KSR2: variants seen among roughly 807,000 people sequenced by gnomAD.
KSR2 encodes kinase suppressor of ras 2.
A neutral mutation model predicts 107.8 loss-of-function variants in KSR2; 25 were observed. That is an observed-to-expected ratio of 0.23 (90% CI 0.17 to 0.32). The LOEUF (loss-of-function observed/expected upper bound fraction) is 0.32. Among genes scored for constraint, KSR2 ranks in the 10% least tolerant of loss-of-function variants. The probability of loss-of-function intolerance (pLI) is 1.00; values close to 1 mark genes in which losing one functional copy is unlikely to be tolerated. For synonymous variants in KSR2, 480 were observed against 507.0 expected (o/e 0.95, Z 0.71); for missense variants, 887 against 1,268.9 (o/e 0.70, Z 4.57).
chr12:117,819,374 G>A (rs979540536), intron 3 of KSR2, among the ~76,000 whole-genome samples: 1 of 152,312 alleles, frequency 6.6e-6, no homozygotes, highest in East Asian at 1.9e-4. Context: ...GCCCTAGAGG[G>A]CGTCGTAGGT....
At chr12:117,569,318 G>A (rs911386891) in intron 7 of KSR2, among the ~76,000 whole-genome samples, 14 of 152,120 alleles carry the variant, frequency 9.2e-5, no homozygotes, top group African/African-American at 1.9e-4. Context: ...CCACTAACAC[G>A]GCAAAAGTCA....
At chr12:117,793,319 A>T (rs1210081653) in intron 3 of KSR2, among the ~76,000 whole-genome samples, 2 of 137,738 alleles carry the variant, frequency 1.5e-5, no homozygotes, top group Non-Finnish European at 3.1e-5. Context: ...ACACACCCTC[A>T]CACCAACATG....
intron 3 of KSR2, among the ~76,000 whole-genome samples, chr12:117,812,819 A>G (rs982990361): frequency 2.2e-5 from 3 of 138,446 alleles, no homozygotes; most frequent in African/African-American, 8.9e-5. Context: ...ATCTGTGTGG[A>G]ACCACAAAAG....
At position 117,459,218 on chromosome 12, in the gene KSR2, A is replaced by G. The variant is rs1441567708; in HGVS notation, c.*7981T>C. ...TCTGCAGAGCGCTGATAGACTGTCC[A>G]CCAACTACAGCCCAAATGGCTTGGC... On this transcript the variant is annotated 3_prime_UTR_variant, in exon 20 of 20. Coordinates refer to ENST00000339824, the MANE Select transcript of KSR2 (RefSeq NM_173598.6). The G allele has an allele frequency of 6.6e-6, 1 of 152,266 alleles. No homozygotes were observed. Among genetic ancestry groups the G allele is most frequent in the East Asian group, 1.9e-4 (1 of 5,192 alleles). The allele number at this position is 152,266 out of a possible 1,614,324, so 9.4% of individuals were successfully genotyped here.
chr12:117,827,196 A>G (rs1891792453), intron 3 of KSR2, among the ~76,000 whole-genome samples: 1 of 152,288 alleles, frequency 6.6e-6, no homozygotes. Flanking sequence ...GAAAGGAAAA[A>G]AGAAGGTGTA....
At chr12:117,571,563 G>A (rs894740980) in intron 7 of KSR2, among the ~76,000 whole-genome samples, 7 of 152,158 alleles carry the variant, frequency 4.6e-5, no homozygotes. Flanking sequence ...GCAGTGGCTG[G>A]TCAAAGAGAT....
At position 117,467,059 on chromosome 12, in the gene KSR2, G is replaced by A; in HGVS notation, c.*140C>T. 1 of 509,020 alleles carries A rather than the reference G, an allele frequency of 2.0e-6. No individual in the cohort carries two copies. Among genetic ancestry groups the A allele is most frequent in the South Asian group, 3.3e-5 (1 of 30,488 alleles). The allele number at this position is 509,020 out of a possible 1,614,324, so 31.5% of individuals were successfully genotyped here. On this transcript the variant is annotated 3_prime_UTR_variant, in exon 20 of 20. Coordinates refer to ENST00000339824, the MANE Select transcript of KSR2 (RefSeq NM_173598.6). Reference sequence around the variant, plus strand: ...TGAGGTGCAGGGAGGCCGCCGAGCAGTTGTCCAGTGCTCCCAGGTCGGTCG... The same window carrying A: ...TGAGGTGCAGGGAGGCCGCCGAGCAATTGTCCAGTGCTCCCAGGTCGGTCG...
At chr12:117,850,223 G>A (rs1892868886) in intron 3 of KSR2, among the ~76,000 whole-genome samples, 1 of 152,176 alleles carries the variant, frequency 6.6e-6, no homozygotes, top group African/African-American at 2.4e-5. Flanking sequence ...GGGGCTCAGC[G>A]GTGTAGACCT....
chr12:117,797,213 C>A (rs945395243), intron 3 of KSR2, among the ~76,000 whole-genome samples: 3 of 152,234 alleles, frequency 2.0e-5, no homozygotes, highest in Middle Eastern at 3.4e-3. Flanking sequence ...TTCACAATAG[C>A]CAAAAGGTGG....
intron 3 of KSR2, among the ~76,000 whole-genome samples, chr12:117,835,031 G>A (rs1038891571): frequency 2.0e-5 from 3 of 152,144 alleles, no homozygotes; most frequent in African/African-American, 4.8e-5. Flanking sequence ...AATCGAACCC[G>A]AGACACAGAG....
intron 14 of KSR2, among the ~76,000 whole-genome samples, chr12:117,506,496 C>A (rs1326733931): frequency 6.6e-6 from 1 of 152,150 alleles, no homozygotes; most frequent in African/African-American, 2.4e-5. Flanking sequence ...ATGTGACAGT[C>A]TGTTTGCTTC....
At chr12:117,811,433 G>A (rs987442775) in intron 3 of KSR2, among the ~76,000 whole-genome samples, 9 of 152,180 alleles carry the variant, frequency 5.9e-5, no homozygotes, top group African/African-American at 1.4e-4. Flanking sequence ...TGCTATTAAT[G>A]CAGATTCCCA....
chr12:117,963,336 T>C (rs1267003208), intron 1 of KSR2, among the ~76,000 whole-genome samples: 1 of 152,154 alleles, frequency 6.6e-6, no homozygotes, highest in African/African-American at 2.4e-5. Flanking sequence ...CCAGAAAAAG[T>C]TTGCCAGCCC....
chr12:117,627,908 T>C (rs1882607504), intron 5 of KSR2, among the ~76,000 whole-genome samples: 5 of 152,236 alleles, frequency 3.3e-5, no homozygotes. Flanking sequence ...TTCTTTTTAC[T>C]CTTTTTTCTC....
At chr12:117,779,947 A>G (rs1003101471) in intron 3 of KSR2, among the ~76,000 whole-genome samples, 10 of 152,154 alleles carry the variant, frequency 6.6e-5, no homozygotes, top group Admixed American at 6.5e-4. Flanking sequence ...GCATCTTTTG[A>G]TCAGACACCT....
intron 14 of KSR2, among the ~76,000 whole-genome samples, chr12:117,521,153 C>T (rs1485447594): frequency 6.6e-6 from 1 of 152,190 alleles, no homozygotes; most frequent in Non-Finnish European, 1.5e-5. Context: ...GCCACCATCA[C>T]AGTCTTTTTT....
In KSR2 at chr12:117,761,285, G is replaced by A. The variant is rs1248483249; in HGVS notation, c.712C>T (p.Pro238Ser). Residue 238 changes from proline (P) to serine (S), a missense_variant, in exon 4 of 20, where the codon CCC (proline) becomes TCC (serine). Around this residue, in one of 8 missense-constraint regions of KSR2, gnomAD observed 399 missense variants for 479.5 expected, o/e 0.83. Coordinates refer to ENST00000339824, the MANE Select transcript of KSR2 (RefSeq NM_173598.6). ...CGGTGGCCCGACTCCAGTGGCGGGG[G>A]CGGGCACAAGCCCGGGTAGGCGTCC... The part of the protein sequence containing the change: ...TVDAYPGLCP[P>S]PPLESGHRSL... 1 of 1,519,256 alleles carries A rather than the reference G, an allele frequency of 6.6e-7. No homozygotes were observed. Among genetic ancestry groups the A allele is most frequent in the Admixed American group, 2.3e-5 (1 of 43,748 alleles). The allele number at this position is 1,519,256 out of a possible 1,614,324, so 94.1% of individuals were successfully genotyped here. A position where few individuals can be genotyped will look rare whatever the true frequency, so the allele number is the denominator to read the frequency against.
At chr12:117,812,002 G>A (rs1190587856) in intron 3 of KSR2, among the ~76,000 whole-genome samples, 1 of 152,172 alleles carries the variant, frequency 6.6e-6, no homozygotes. Context: ...AGTCTCTGCT[G>A]GGGGTTAGAC....
chr12:117,635,885 A>G (rs540605989), intron 5 of KSR2, among the ~76,000 whole-genome samples: 31 of 150,800 alleles, frequency 2.1e-4, no homozygotes, highest in African/African-American at 6.3e-4. Flanking sequence ...TCCACCTCCC[A>G]GGTTCAAGCG....
Sources: gnomAD v4.1 joint callset for allele counts (sites outside exome capture counted in the v4.1 genomes callset) on GRCh38, gnomAD v4.1.1 for gene constraint, gnomAD v4.1.1 regional missense constraint, MANE v1.5 for transcripts, NCBI Gene and HGNC (gene_info 2026-07-23, HGNC 2026-07-21) for gene names.